ERBB4: variants seen among roughly 807,000 people sequenced by gnomAD.
ERBB4 encodes receptor tyrosine-protein kinase erbB-4.
ERBB4 carries 42 observed loss-of-function variants against 158.0 expected under a neutral mutation model. The ratio of observed to expected loss-of-function variants is 0.27; its 90% CI spans 0.21 to 0.34. The LOEUF is 0.34. ERBB4 is among the 10% of genes least tolerant of loss of function. ERBB4 has a pLI of 1.00. For synonymous variants in ERBB4, 583 were observed against 558.7 expected (o/e 1.04, Z -0.61); for missense variants, 1,333 against 1,624.1 (o/e 0.82, Z 3.08).
At chr2:212,003,216 G>GAAAGACAGAAA (rs1491317567) in intron 2 of ERBB4, among the ~76,000 whole-genome samples, 1,468 of 34,212 alleles carry the variant, frequency 0.043, 139 homozygotes, top group East Asian at 0.15. Flanking sequence ...ACAGAAAGAA[G>GAAAGACAGAAA]GAAGGAAGGA....
At chr2:211,760,953 C>A (rs1040725865) in intron 4 of ERBB4, among the ~76,000 whole-genome samples, 3 of 152,032 alleles carry the variant, frequency 2.0e-5, no homozygotes, top group African/African-American at 7.2e-5. Context: ...CGCCTATAAG[C>A]CCAGCACTTT....
intron 1 of ERBB4, among the ~76,000 whole-genome samples, chr2:212,180,281 C>T (rs187492545): frequency 6.6e-6 from 1 of 151,628 alleles, no homozygotes; most frequent in African/African-American, 2.4e-5. Flanking sequence ...ATGTGATATC[C>T]TGTCAATTCG....
intron 19 of ERBB4, among the ~76,000 whole-genome samples, chr2:211,598,042 A>T (rs977380468): frequency 6.6e-6 from 1 of 152,180 alleles, no homozygotes. Context: ...GAGCCATCTG[A>T]CATGCTTGGT....
chr2:211,400,591 G>A (rs1477052586), intron 25 of ERBB4, among the ~76,000 whole-genome samples: 2 of 151,828 alleles, frequency 1.3e-5, no homozygotes, highest in Non-Finnish European at 2.9e-5. Flanking sequence ...TGAAATTATG[G>A]AGATAGAGAG....
intron 20 of ERBB4, among the ~76,000 whole-genome samples, chr2:211,518,379 A>C (rs769880185): frequency 7.6e-5 from 7 of 92,686 alleles, no homozygotes; most frequent in South Asian, 3.2e-4. Context: ...TAGGTCAAGG[A>C]ATTTAGAAAA....
At chr2:211,588,493 G>A (rs1030992530) in intron 19 of ERBB4, among the ~76,000 whole-genome samples, 12 of 152,000 alleles carry the variant, frequency 7.9e-5, no homozygotes, top group African/African-American at 2.9e-4. Context: ...CTTTTGGCAG[G>A]TAAATTTTGA....
intron 25 of ERBB4, 24 bp from the exon 26 acceptor site, chr2:211,388,016 G>T: frequency 1.9e-6 from 3 of 1,541,238 alleles, no homozygotes; most frequent in Non-Finnish European, 2.7e-6. Context: ...AAAATGGAAT[G>T]ATGGATATAA....
At chr2:212,053,487 A>T (rs1414889473) in intron 2 of ERBB4, among the ~76,000 whole-genome samples, 1 of 151,776 alleles carries the variant, frequency 6.6e-6, no homozygotes, top group Non-Finnish European at 1.5e-5. Flanking sequence ...TACCCCCTTT[A>T]CTGATCTGGC....
In ERBB4 at chr2:212,187,878, C is replaced by A. The variant is rs78070785; in HGVS notation, c.83-62975G>T. On this transcript the variant is annotated intron_variant, in intron 1 of 27. Coordinates refer to ENST00000342788, the MANE Select transcript of ERBB4 (RefSeq NM_005235.3). ...AATACAAGAAATGTGACTGAGAGCT[C>A]CTAATCTGATATATGGCAATATGTT... Among the ~76,000 whole-genome samples, 1,377 of 152,112 alleles carry A rather than the reference C, an allele frequency of 9.1e-3. 15 individuals are homozygous for A. The highest frequency in any genetic ancestry group is 0.031 in the African/African-American group (1,267 of 41,492).
chr2:212,041,602 A>C (rs78339070), intron 2 of ERBB4, among the ~76,000 whole-genome samples: 6,282 of 151,816 alleles, frequency 0.041, 429 homozygotes, highest in African/African-American at 0.14. Context: ...AAAAAAAAAA[A>C]CCAGTAGCAT....
intron 1 of ERBB4, among the ~76,000 whole-genome samples, chr2:212,397,420 C>G (rs1015593581): frequency 2.6e-5 from 4 of 151,532 alleles, no homozygotes; most frequent in African/African-American, 9.7e-5. Flanking sequence ...CTACAGTGAG[C>G]CATGATCTTG....
intron 5 of ERBB4, among the ~76,000 whole-genome samples, chr2:211,741,452 TACACACAC>T (rs5838279): frequency 1.1e-4 from 16 of 143,210 alleles, no homozygotes; most frequent in African/African-American, 2.9e-4. Flanking sequence ...TATGTAGTTA[TACACACAC>T]ACACACACAC....
intron 3 of ERBB4, among the ~76,000 whole-genome samples, chr2:211,888,556 T>C (rs111388371): frequency 0.16 from 23,595 of 151,738 alleles, 2,417 homozygotes; most frequent in African/African-American, 0.29. Flanking sequence ...CCAAGATGGC[T>C]GAATAGGAAC....
chr2:212,104,376 T>C (rs779842434), intron 2 of ERBB4, among the ~76,000 whole-genome samples: 5 of 152,048 alleles, frequency 3.3e-5, no homozygotes, highest in Non-Finnish European at 5.9e-5. Flanking sequence ...AGCAATACAG[T>C]TTATCTGTAT....
At chr2:211,541,926 A>G (rs2066819777) in intron 20 of ERBB4, among the ~76,000 whole-genome samples, 3 of 152,036 alleles carry the variant, frequency 2.0e-5, no homozygotes, top group Non-Finnish European at 2.9e-5. Context: ...TCACCACTCA[A>G]AAATGAGCAT....
At chr2:211,825,357 ACT>A (rs2077078969) in intron 3 of ERBB4, among the ~76,000 whole-genome samples, 1 of 151,840 alleles carries the variant, frequency 6.6e-6, no homozygotes, top group African/African-American at 2.4e-5. Context: ...TAATGCAGAA[ACT>A]CTGAACAGGC....
intron 2 of ERBB4, among the ~76,000 whole-genome samples, chr2:212,112,534 T>C (rs2079443812): frequency 6.6e-6 from 1 of 152,014 alleles, no homozygotes; most frequent in South Asian, 2.1e-4. Flanking sequence ...CATTGGTAAA[T>C]AGTAGGCAGC....
At chr2:212,013,161 A>G (rs768301346) in intron 2 of ERBB4, among the ~76,000 whole-genome samples, 7 of 151,934 alleles carry the variant, frequency 4.6e-5, no homozygotes, top group Admixed American at 1.3e-4. Context: ...GGTTCAAGCA[A>G]TTCTTCTGTC....
chr2:212,052,779 C>T (rs912187735), intron 2 of ERBB4, among the ~76,000 whole-genome samples: 2 of 152,160 alleles, frequency 1.3e-5, no homozygotes, highest in African/African-American at 2.4e-5. Flanking sequence ...TTACTACTCC[C>T]GTACCCCTCC....
Sources: gnomAD v4.1 joint callset for allele counts (sites outside exome capture counted in the v4.1 genomes callset) on GRCh38, gnomAD v4.1.1 for gene constraint, MANE v1.5 for transcripts, NCBI Gene and HGNC (gene_info 2026-07-23, HGNC 2026-07-21) for gene names.